ATL3: variants seen among roughly 807,000 people sequenced by gnomAD.
ATL3 encodes atlastin-3.
In ATL3, 49 loss-of-function variants were observed where a neutral mutation model predicts 69.5. The observed-to-expected ratio is 0.71, with a 90% CI of 0.56 to 0.89. The LOEUF is 0.89. ATL3 is among the 40% of genes least tolerant of loss of function. The pLI is 0.00. For missense variants in ATL3, 606 were observed against 645.7 expected (o/e 0.94, Z 0.67); for synonymous variants, 214 against 224.1 (o/e 0.95, Z 0.40).
chr11:63,661,321 T>C (rs1339703494), intron 1 of ATL3, among the ~76,000 whole-genome samples: 2 of 152,132 alleles, frequency 1.3e-5, no homozygotes, highest in African/African-American at 2.4e-5. Flanking sequence ...GGTGGTTGTA[T>C]TTTGCATATC....
chr11:63,667,106 A>G (rs1210542493), intron 1 of ATL3, among the ~76,000 whole-genome samples: 1 of 152,140 alleles, frequency 6.6e-6, no homozygotes, highest in Admixed American at 6.5e-5. Flanking sequence ...TCCACACTGT[A>G]TATGCTACCA....
At chr11:63,660,122 G>T (rs1253119244) in intron 1 of ATL3, among the ~76,000 whole-genome samples, 1 of 150,306 alleles carries the variant, frequency 6.7e-6, no homozygotes. Context: ...AAAATAAAAT[G>T]ACAACACAGA....
Position 63,632,416 on chromosome 11 carries a change from G to C in ATL3, c.1107+610C>G. Reference sequence around the variant, plus strand: ...TCGACATTTTGATAGTATCCAAAGAGGTGACATTGTGATTGCAAAAAGCCC... The same window carrying C: ...TCGACATTTTGATAGTATCCAAAGACGTGACATTGTGATTGCAAAAAGCCC... On this transcript the variant is annotated intron_variant, in intron 11 of 12. Coordinates refer to ENST00000398868, the MANE Select transcript of ATL3 (RefSeq NM_015459.5). 3 of 841,172 alleles carry C rather than the reference G, an allele frequency of 3.6e-6. No individual in the cohort carries two copies. In the South Asian group the frequency reaches 4.0e-5, roughly 11 times the overall value. The allele number at this position is 841,172 out of a possible 1,614,324, so 52.1% of individuals were successfully genotyped here.
chr11:63,655,295 T>A (rs1009112109), intron 3 of ATL3, among the ~76,000 whole-genome samples: 1 of 150,528 alleles, frequency 6.6e-6, no homozygotes, highest in African/African-American at 2.5e-5. Context: ...AGATTACAGG[T>A]GGGCGCCACC....
intron 1 of ATL3, among the ~76,000 whole-genome samples, 200 bp downstream of exon 1, chr11:63,671,090 C>A (rs1432485393): frequency 6.6e-6 from 1 of 152,200 alleles, no homozygotes. Context: ...AGGAAGGTGC[C>A]GCCCTCGCTG....
intron 5 of ATL3, among the ~76,000 whole-genome samples, chr11:63,646,917 C>T (rs1027340844): frequency 5.3e-5 from 8 of 152,166 alleles, no homozygotes; most frequent in African/African-American, 1.9e-4. Flanking sequence ...TTGCTCAAAA[C>T]CCCACAACCT....
chr11:63,633,141 A>G lies in ATL3; in HGVS notation c.1036-44T>C, dbSNP rs753601146. The G allele has an allele frequency of 4.7e-6, 7 of 1,499,716 alleles. No individual in the cohort carries two copies. The Admixed American group carries it at 1.2e-4, about 25-fold the overall frequency. 92.9% of individuals were successfully genotyped at this position (1,499,716 alleles called of 1,614,324 possible). A position where few individuals can be genotyped will look rare whatever the true frequency, so the allele number is the denominator to read the frequency against. The stretch of plus-strand genomic sequence containing the variant: ...GTGAACTGTAAATCCTTCCTCTTTT[A>G]ACATTCCTCCACAAATAACCTAACA... On this transcript the variant is annotated intron_variant, in intron 10 of 12. Coordinates refer to ENST00000398868, the MANE Select transcript of ATL3 (RefSeq NM_015459.5).
chr11:63,625,386 G>A lies in ATL3; in HGVS notation c.*3933C>T, dbSNP rs922979330. 6.6e-6 allele frequency: 1 copy of A among 152,054 alleles called. No individual in the cohort carries two copies. Among genetic ancestry groups the A allele is most frequent in the Non-Finnish European group, 1.5e-5 (1 of 68,004 alleles). 9.4% of individuals were successfully genotyped at this position (152,054 alleles called of 1,614,324 possible). On this transcript the variant is annotated 3_prime_UTR_variant, in exon 13 of 13. Transcript: ENST00000398868. ...AAAAAAGTCCTGTGAAGACTTCCATGTAAGTTACATCATTTTTTAAAAGAA... is the reference window on the plus strand; with the variant it reads ...AAAAAAGTCCTGTGAAGACTTCCATATAAGTTACATCATTTTTTAAAAGAA...
chr11:63,659,626 C>A (rs574176252), intron 1 of ATL3, among the ~76,000 whole-genome samples: 1 of 151,894 alleles, frequency 6.6e-6, no homozygotes, highest in South Asian at 2.1e-4. Flanking sequence ...AAACAAAAAA[C>A]GGACACAAAA....
At chr11:63,660,467 G>C (rs1940386990) in intron 1 of ATL3, among the ~76,000 whole-genome samples, 1 of 152,154 alleles carries the variant, frequency 6.6e-6, no homozygotes, top group African/African-American at 2.4e-5. Context: ...CACACATTCT[G>C]ATAGGAGCAC....
intron 7 of ATL3, 35 bp from the exon 8 acceptor site, chr11:63,643,530 G>C: frequency 6.3e-7 from 1 of 1,586,020 alleles, no homozygotes; most frequent in Non-Finnish European, 8.6e-7. Context: ...CCAACCAAAA[G>C]TCATTTGGTT....
intron 12 of ATL3, among the ~76,000 whole-genome samples, chr11:63,629,715 A>G (rs900440507): frequency 7.9e-5 from 12 of 152,174 alleles, no homozygotes; most frequent in Non-Finnish European, 1.5e-4. Context: ...ACTTGTGACC[A>G]TGTCAATGTC....
intron 1 of ATL3, among the ~76,000 whole-genome samples, chr11:63,667,462 T>C (rs1421726337): frequency 1.3e-5 from 2 of 151,988 alleles, no homozygotes; most frequent in Non-Finnish European, 2.9e-5. Flanking sequence ...CCCAAGAGTT[T>C]AGGATTCCTG....
intron 1 of ATL3, among the ~76,000 whole-genome samples, chr11:63,663,532 C>A (rs1940485118): frequency 1.3e-5 from 2 of 152,194 alleles, no homozygotes; most frequent in African/African-American, 4.8e-5. Flanking sequence ...TATACTAATA[C>A]TTTTCTTTCC....
intron 1 of ATL3, among the ~76,000 whole-genome samples, chr11:63,661,842 T>C (rs1400098045): frequency 6.7e-6 from 1 of 149,378 alleles, no homozygotes; most frequent in Non-Finnish European, 1.5e-5. Context: ...TGAGCTGAGA[T>C]TGCACCACTG....
chr11:63,653,630 C>A (rs1277672954), intron 3 of ATL3, among the ~76,000 whole-genome samples: 2 of 152,070 alleles, frequency 1.3e-5, no homozygotes, highest in Non-Finnish European at 2.9e-5. Context: ...CAAACTGGTG[C>A]CTTCATAATG....
At chr11:63,667,410 A>AT (rs1171610148) in intron 1 of ATL3, among the ~76,000 whole-genome samples, 1 of 151,528 alleles carries the variant, frequency 6.6e-6, no homozygotes, top group Non-Finnish European at 1.5e-5. Flanking sequence ...GCTCACTGCA[A>AT]CCTCCACCTC....
intron 3 of ATL3, among the ~76,000 whole-genome samples, chr11:63,655,729 C>A (rs537391463): frequency 6.6e-6 from 1 of 151,842 alleles, no homozygotes; most frequent in Non-Finnish European, 1.5e-5. Flanking sequence ...TACAGACGTG[C>A]GCCACCGCGC....
At chr11:63,640,594 CTTTTT>C (rs1172516886) in intron 8 of ATL3, among the ~76,000 whole-genome samples, 13 of 84,346 alleles carry the variant, frequency 1.5e-4, no homozygotes, top group African/African-American at 6.5e-4. Context: ...ACCATAGTAT[CTTTTT>C]TTTTTTTTTT....
Sources: allele counts gnomAD v4.1 joint callset (sites outside exome capture counted in the v4.1 genomes callset), GRCh38; gene constraint gnomAD v4.1.1; transcripts MANE v1.5; gene names NCBI Gene and HGNC (gene_info 2026-07-23, HGNC 2026-07-21).